The following EP400 variants were observed in gnomAD, a reference collection of about 807,000 sequenced individuals.
The protein encoded by EP400 is E1A-binding protein p400.
In EP400, 105 loss-of-function variants were observed where a neutral mutation model predicts 354.1. That is an observed-to-expected ratio of 0.30 (90% CI 0.25 to 0.35). EP400 has a LOEUF of 0.35. Ranked by LOEUF, EP400 falls within the 10% of genes least tolerant of loss-of-function variation. The pLI is 1.00. For missense variants in EP400, 3,280 were observed against 4,121.0 expected (o/e 0.80, Z 5.59); for synonymous variants, 1,646 against 1,716.9 (o/e 0.96, Z 1.02).
At position 132,023,831 on chromosome 12, in the gene EP400, G is replaced by C; in HGVS notation, c.4745G>C (p.Arg1582Pro). 2 of 1,613,904 alleles carry C rather than the reference G, an allele frequency of 1.2e-6. No homozygotes were observed. Among genetic ancestry groups the C allele is most frequent in the Non-Finnish European group, 1.7e-6 (2 of 1,179,924 alleles). The change falls in exon 24 of 53, where the codon CGC becomes CCC. Residue 1582 changes from arginine to proline, a missense_variant. Physicochemically the swap from Arg to Pro is moderately radical, Grantham distance 103. This residue lies in a region of EP400 where 342 missense variants were observed against 342.7 expected (regional missense o/e 1.00). Coordinates refer to ENST00000389561, the MANE Select transcript of EP400 (RefSeq NM_015409.5). Reference protein sequence around the residue: ...QLASITGPQSRVAQPETPVTL... With the variant: ...QLASITGPQSPVAQPETPVTL... ...GCATCCATCACAGGACCACAGAGCC[G>C]CGTGGCTCAGCCAGAGACGCCGGTG...
intron 2 of EP400, among the ~76,000 whole-genome samples, chr12:131,976,332 T>G (rs191006155): frequency 3.3e-5 from 5 of 152,200 alleles, no homozygotes; most frequent in African/African-American, 1.2e-4. Context: ...TTTTGTACAA[T>G]TGTGCATGAT....
At chr12:131,983,406 C>T (rs965721221) in intron 5 of EP400, among the ~76,000 whole-genome samples, 3 of 152,226 alleles carry the variant, frequency 2.0e-5, no homozygotes, top group Admixed American at 6.5e-5. Flanking sequence ...TTAAAATGCC[C>T]CTCCTCCTCC....
rs767816284 is a variant in EP400 at position 132,023,299 on chromosome 12, ATTTTTTTT to A, written c.4691-457_4691-450del. ...AGGCGCCCACCACCATGCCCAGCTA[ATTTTTTTT>A]TTTTTTTTTTTTTTTTTTTTGCATT... On this transcript the variant is annotated intron_variant, in intron 23 of 52. Transcript: ENST00000389561. 3.9e-3 allele frequency among the ~76,000 whole-genome samples: 279 copies of A among 71,040 alleles called. 1 individual carries two copies. Among genetic ancestry groups the A allele is most frequent in the African/African-American group, 0.022 (266 of 12,036 alleles). The allele number at this position is 71,040 out of a possible 152,430, so 46.6% of individuals were successfully genotyped here.
intron 41 of EP400, among the ~76,000 whole-genome samples, chr12:132,051,951 T>C (rs540863604): frequency 6.3e-4 from 96 of 152,336 alleles, no homozygotes; most frequent in South Asian, 4.4e-3. Context: ...AGGAGCCCTC[T>C]GGTGGCCCTG....
intron 1 of EP400, among the ~76,000 whole-genome samples, chr12:131,954,797 G>T (rs1891640223): frequency 6.6e-6 from 1 of 151,992 alleles, no homozygotes; most frequent in Admixed American, 6.6e-5. Context: ...GGAGGCTGAG[G>T]TGGGAGGATT....
intron 29 of EP400, among the ~76,000 whole-genome samples, chr12:132,031,045 G>A (rs1894473833): frequency 6.6e-6 from 1 of 151,482 alleles, no homozygotes; most frequent in Admixed American, 6.6e-5. Flanking sequence ...GATTTAACAA[G>A]TTTTCTTGGT....
intron 19 of EP400, among the ~76,000 whole-genome samples, chr12:132,014,422 G>A (rs531239953): frequency 2.0e-5 from 3 of 152,306 alleles, no homozygotes; most frequent in South Asian, 2.1e-4. Flanking sequence ...TGGCAGGGAC[G>A]TGCTGGTGCC....
rs375624337 is a variant in EP400 at position 132,050,490 on chromosome 12, A to C, written c.7337+31A>C. 2.1e-5 allele frequency: 34 copies of C among 1,613,782 alleles called. No homozygotes were observed. In the African/African-American group the frequency reaches 3.1e-4, roughly 15 times the overall value. On this transcript the variant is annotated intron_variant, in intron 40 of 52. Coordinates refer to ENST00000389561, the MANE Select transcript of EP400 (RefSeq NM_015409.5). The surrounding 1 kb of genome is among the most constrained non-coding windows in gnomAD (Gnocchi z 4.8). ...TTTCCTGAGTGCTCATTTTATGTTC[A>C]TTATGACTGAGTAGATTGCGTGAAG...
At chr12:132,044,035 G>A in intron 34 of EP400, 142 bp from the exon 35 acceptor site, 1 of 1,228,208 alleles carries the variant, frequency 8.1e-7, no homozygotes, top group East Asian at 2.4e-5. Context: ...GCAGGCTGCT[G>A]CTTGTGGGGG....
intron 5 of EP400, among the ~76,000 whole-genome samples, chr12:131,985,154 C>T (rs955956546): frequency 6.6e-6 from 1 of 152,198 alleles, no homozygotes; most frequent in African/African-American, 2.4e-5. Flanking sequence ...CCACACCCAG[C>T]CTGGAAAATG....
At position 132,029,914 on chromosome 12, in the gene EP400, G is replaced by T. The variant is rs751300561; in HGVS notation, c.5584+11G>T. The T allele has an allele frequency of 1.9e-6, 3 of 1,611,782 alleles. No homozygotes were observed. The East Asian group carries it at 6.7e-5, about 36-fold the overall frequency. ...TGCAGTTCGACTCAGGTATGCGGCA[G>T]TTGGGGGCGTGGCCCGTGCGGGAGC... On this transcript the variant is annotated intron_variant, in intron 28 of 52. Transcript: ENST00000389561. This position sits in a 1 kb window ranked among gnomAD's most constrained non-coding sequence, Gnocchi z 4.7.
chr12:131,972,994 A>C (rs1397322805), intron 2 of EP400, among the ~76,000 whole-genome samples: 1 of 152,108 alleles, frequency 6.6e-6, no homozygotes, highest in Non-Finnish European at 1.5e-5. Flanking sequence ...GGCCTCCCAA[A>C]GTGCTGGGAT....
chr12:132,041,301 C>G (rs1025177017), intron 32 of EP400, among the ~76,000 whole-genome samples: 1 of 152,218 alleles, frequency 6.6e-6, no homozygotes, highest in Admixed American at 6.5e-5. Flanking sequence ...CAAGTGTACA[C>G]ATTACAAAGA....
chr12:132,006,274 C>G lies in EP400; in HGVS notation c.3098C>G (p.Pro1033Arg). The G allele has an allele frequency of 6.2e-7, 1 of 1,614,158 alleles. No individual in the cohort carries two copies. The highest frequency in any genetic ancestry group is 8.5e-7 in the Non-Finnish European group (1 of 1,180,012). Reference sequence around the variant, plus strand: ...ACTGCGGTGGCTGAAGCCATCCTGCCGAAGGGCAGTGCTCGGGTCACAACC... The same window carrying G: ...ACTGCGGTGGCTGAAGCCATCCTGCGGAAGGGCAGTGCTCGGGTCACAACC... Reference protein sequence around the residue: ...DVTAVAEAILPKGSARVTTSV... With the variant: ...DVTAVAEAILRKGSARVTTSV... The change falls in exon 14 of 53, where the codon CCG (proline) becomes CGG (arginine). Residue 1033 changes from proline (P) to arginine (R), a missense_variant. Pro to Arg is a moderately radical substitution (Grantham distance 103). This residue lies in a region of EP400 where 800 missense variants were observed against 840.0 expected (regional missense o/e 0.95). Transcript: ENST00000389561.
In EP400 at chr12:132,017,959, AGGCTT is replaced by A. The variant is rs1198973221; in HGVS notation, c.4110+239_4110+243del. Among the ~76,000 whole-genome samples the A allele has an allele frequency of 2.6e-5, 4 of 152,236 alleles. No individual in the cohort carries two copies. The highest frequency in any genetic ancestry group is 5.9e-5 in the Non-Finnish European group (4 of 68,038). On this transcript the variant is annotated intron_variant, in intron 20 of 52. Transcript: ENST00000389561. This position sits in a 1 kb window ranked among gnomAD's most constrained non-coding sequence, Gnocchi z 5.0. ...CACAGAGTGGAAAGATGCAGAGGGCAGGCTTTCTTGGCGTTGTGTGGATTGTGGGC... is the reference window on the plus strand; with the variant it reads ...CACAGAGTGGAAAGATGCAGAGGGCATCTTGGCGTTGTGTGGATTGTGGGC...
intron 32 of EP400, among the ~76,000 whole-genome samples, chr12:132,041,483 G>A (rs1370324205): frequency 6.6e-6 from 1 of 152,112 alleles, no homozygotes; most frequent in African/African-American, 2.4e-5. Context: ...CTCTTCCTTC[G>A]GGTCTGCCTT....
rs112985929 is a variant in EP400, at chr12:132,017,373, T to C, written c.3924-162T>C. On this transcript the variant is annotated intron_variant, in intron 19 of 52. Coordinates refer to ENST00000389561, the MANE Select transcript of EP400 (RefSeq NM_015409.5). This position sits in a 1 kb window ranked among gnomAD's most constrained non-coding sequence, Gnocchi z 5.0. ...GCGAACAAGTGCAGAGGGGCCTGCC[T>C]GGGATGTGGACTTGAATGGCCACTC... Among the ~76,000 whole-genome samples the C allele has an allele frequency of 0.017, 2,601 of 152,328 alleles. 73 individuals carry two copies. Among genetic ancestry groups the C allele is most frequent in the African/African-American group, 0.06 (2,477 of 41,568 alleles).
At chr12:132,058,955 A>G (rs933292633) in intron 45 of EP400, among the ~76,000 whole-genome samples, 13 of 152,134 alleles carry the variant, frequency 8.5e-5, no homozygotes, top group African/African-American at 3.1e-4. Flanking sequence ...CCAGAAAAGG[A>G]TGACTTCTGT....
Position 132,013,572 on chromosome 12 carries a change from G to C in EP400, c.3694G>C (p.Gly1232Arg). The C allele has an allele frequency of 6.2e-7, 1 of 1,613,808 alleles. No individual in the cohort carries two copies. Among genetic ancestry groups the C allele is most frequent in the Non-Finnish European group, 8.5e-7 (1 of 1,179,860 alleles). Reference sequence around the variant, plus strand: ...GACCATGGTGCACTTCCTGGTCCCAGGGATCTCCAGGCCCTACCTGAGCTC... The same window carrying C: ...GACCATGGTGCACTTCCTGGTCCCACGGATCTCCAGGCCCTACCTGAGCTC... ...LWTMVHFLVP[G>R]ISRPYLSSPL... The change falls in exon 18 of 53, where the codon GGG becomes CGG. Residue 1232 changes from glycine to arginine, a missense_variant. Gly to Arg is a moderately radical substitution (Grantham distance 125). Coordinates refer to ENST00000389561, the MANE Select transcript of EP400 (RefSeq NM_015409.5). This position sits in a 1 kb window ranked among gnomAD's most constrained non-coding sequence, Gnocchi z 4.5.
Sources: allele counts gnomAD v4.1 joint callset (sites outside exome capture counted in the v4.1 genomes callset), GRCh38; gene constraint gnomAD v4.1.1; regional missense constraint gnomAD v4.1.1; non-coding constraint Gnocchi (gnomAD v3.1); transcripts MANE v1.5; gene names NCBI Gene and HGNC (gene_info 2026-07-23, HGNC 2026-07-21).